The following P2RX3 variants were observed in gnomAD, a reference collection of about 807,000 sequenced individuals.
P2RX3 encodes the protein purinergic receptor P2X 3.
P2RX3 carries 41 observed loss-of-function variants against 51.5 expected under a neutral mutation model. The ratio of observed to expected loss-of-function variants is 0.80; its 90% CI spans 0.62 to 1.03. The LOEUF (loss-of-function observed/expected upper bound fraction) is 1.03, where lower values mean the gene tolerates loss of function less well. Ranked by LOEUF, P2RX3 falls within the 50% of genes least tolerant of loss-of-function variation. The pLI, the probability that P2RX3 is intolerant of heterozygous loss-of-function variation, is 0.00. For synonymous variants in P2RX3, 185 were observed against 191.6 expected (o/e 0.97, Z 0.29); for missense variants, 459 against 522.1 (o/e 0.88, Z 1.18).
intron 1 of P2RX3, among the ~76,000 whole-genome samples, chr11:57,341,662 A>G (rs1339937351): frequency 6.6e-5 from 10 of 152,048 alleles, no homozygotes; most frequent in Admixed American, 6.6e-4. Context: ...GGAAATCCCT[A>G]GGATCTGAGT....
At chr11:57,350,468 G>C (rs1357435902) in intron 7 of P2RX3, 1 of 302,170 alleles carries the variant, frequency 3.3e-6, no homozygotes, top group East Asian at 7.3e-5. Context: ...ATTTTTAGTA[G>C]AGTCAGGGGT....
At chr11:57,355,769 G>A (rs1289080644) in intron 8 of P2RX3, among the ~76,000 whole-genome samples, 1 of 152,198 alleles carries the variant, frequency 6.6e-6, no homozygotes, top group Admixed American at 6.5e-5. Flanking sequence ...CCCTTTGCAG[G>A]GAATTAACAT....
At chr11:57,369,051 C>CCCATTAAT (rs1425832264) in intron 10 of P2RX3, among the ~76,000 whole-genome samples, 2 of 152,196 alleles carry the variant, frequency 1.3e-5, no homozygotes, top group East Asian at 3.9e-4. Context: ...CCCATGATAG[C>CCCATTAAT]CCATTAATCC....
chr11:57,367,911 C>T, intron 8 of P2RX3, 98 bp from the exon 9 acceptor site: 2 of 907,592 alleles, frequency 2.2e-6, no homozygotes, highest in East Asian at 5.0e-5. Flanking sequence ...GTAAGGGTTG[C>T]TCAGTGAGCC....
chr11:57,364,645 G>A (rs1298651737), intron 8 of P2RX3, among the ~76,000 whole-genome samples: 1 of 151,896 alleles, frequency 6.6e-6, no homozygotes, highest in East Asian at 1.9e-4. Flanking sequence ...ATGTTCTTAG[G>A]CCCTGTCATC....
intron 7 of P2RX3, among the ~76,000 whole-genome samples, 171 bp downstream of exon 7, chr11:57,350,069 C>G (rs916513136): frequency 1.3e-5 from 2 of 152,172 alleles, no homozygotes; most frequent in Non-Finnish European, 2.9e-5. Context: ...CTGCTTTCCC[C>G]GCGCAGAGCG....
Position 57,350,760 on chromosome 11 carries a change from AG to A in P2RX3, c.710del, listed in dbSNP as rs756989873. 6.2e-7 allele frequency: 1 copy of A among 1,612,632 alleles called. No homozygotes were observed. Among genetic ancestry groups the A allele is most frequent in the East Asian group, 2.2e-5 (1 of 44,772 alleles). On this transcript the variant is annotated splice_acceptor_variant, in intron 7 of 11. Transcript: ENST00000263314. LOFTEE classifies it high-confidence loss of function. ...AAGCTCATACCCGGCCCGTTTCTTC[AG>A]GGGGGAGTTCTGGGCATTAAGATCG...
rs192741206 is a variant in P2RX3, at chr11:57,370,865, G to A, written c.*868G>A. Among the ~76,000 whole-genome samples, 29 of 152,306 alleles carry A rather than the reference G, an allele frequency of 1.9e-4. No homozygotes were observed. The South Asian group carries it at 4.6e-3, about 24-fold the overall frequency. On this transcript the variant is annotated 3_prime_UTR_variant, in exon 12 of 12. Coordinates refer to ENST00000263314, the MANE Select transcript of P2RX3 (RefSeq NM_002559.5). ...TTCCCGGACCTGGGATCCTGTCGTA[G>A]GCTGGGACCCTGTTCCAGGAGTTCA... is the stretch of plus-strand genomic sequence containing the variant.
At chr11:57,352,419 T>TCA (rs1246776788) in intron 8 of P2RX3, among the ~76,000 whole-genome samples, 1 of 152,182 alleles carries the variant, frequency 6.6e-6, no homozygotes, top group Non-Finnish European at 1.5e-5. Flanking sequence ...AGTTGGTATA[T>TCA]CACACTGAGA....
intron 11 of P2RX3, 47 bp downstream of exon 11, chr11:57,369,485 G>A (rs1318683415): frequency 6.5e-7 from 1 of 1,549,518 alleles, no homozygotes; most frequent in South Asian, 1.2e-5. Flanking sequence ...GAGGGGGCAG[G>A]GCAGGCAGGG....
rs2276038 is a variant in P2RX3, at chr11:57,369,951, C to A, written c.1148C>A (p.Ala383Glu). 4.3e-6 allele frequency: 7 copies of A among 1,613,446 alleles called. No homozygotes were observed. Among genetic ancestry groups the A allele is most frequent in the African/African-American group, 1.3e-5 (1 of 74,900 alleles). ...GTGTACCCCAGCGACCAGACCACAG[C>A]GGAGAAGCAGTCCACCGATTCGGGG... Reference protein sequence around the residue: ...NPVYPSDQTTAEKQSTDSGAF... With the variant: ...NPVYPSDQTTEEKQSTDSGAF... Residue 383 changes from alanine (A) to glutamate (E), a missense_variant, in exon 12 of 12, where the codon GCG (alanine) becomes GAG (glutamate). By Grantham distance (107) the Ala-to-Glu change is moderately radical. Transcript: ENST00000263314.
upstream of P2RX3, among the ~76,000 whole-genome samples, chr11:57,338,202 A>G (rs1323978611): frequency 6.6e-6 from 1 of 152,224 alleles, no homozygotes; most frequent in Non-Finnish European, 1.5e-5. Flanking sequence ...AACAGTAGAC[A>G]GAGTGCAGAT....
At chr11:57,337,681 G>A (rs1245287680), upstream of P2RX3, among the ~76,000 whole-genome samples, 4 of 152,192 alleles carry the variant, frequency 2.6e-5, no homozygotes, top group Non-Finnish European at 4.4e-5. Context: ...CGGGGTGGGC[G>A]GAGTGGGGAG....
At chr11:57,360,620 G>C (rs945108807) in intron 8 of P2RX3, among the ~76,000 whole-genome samples, 3 of 151,454 alleles carry the variant, frequency 2.0e-5, no homozygotes, top group African/African-American at 7.3e-5. Context: ...GTGAACCCCT[G>C]TCTCTACTAA....
In P2RX3 at chr11:57,368,396, A is replaced by T. The variant is rs919705354; in HGVS notation, c.961A>T (p.Thr321Ser). 6.2e-7 allele frequency: 1 copy of T among 1,613,880 alleles called. No individual in the cohort carries two copies. Among genetic ancestry groups the T allele is most frequent in the Non-Finnish European group, 8.5e-7 (1 of 1,179,966 alleles). ...GGCTGGCAAGTTCAACATCATCCCC[A>T]CCATCATCAGCTCTGTGGCGGCCTT... ...GNAGKFNIIP[T>S]IISSVAAFTS... Residue 321 changes from threonine to serine, a missense_variant, in exon 10 of 12, where the codon ACC (threonine) becomes TCC (serine). Physicochemically the swap from Thr to Ser is moderately conservative, Grantham distance 58. Coordinates refer to ENST00000263314, the MANE Select transcript of P2RX3 (RefSeq NM_002559.5).
chr11:57,368,232 T>C (rs1590643779), intron 9 of P2RX3, 130 bp downstream of exon 9: 3 of 1,298,730 alleles, frequency 2.3e-6, no homozygotes, highest in Non-Finnish European at 2.2e-6. Context: ...AGTGGGTCAC[T>C]CTCCCATCAA....
chr11:57,364,443 A>G (rs1348080993), intron 8 of P2RX3, among the ~76,000 whole-genome samples: 2 of 152,214 alleles, frequency 1.3e-5, no homozygotes, highest in African/African-American at 4.8e-5. Flanking sequence ...ACAATGACTC[A>G]ACAACAGTAT....
At position 57,339,899 on chromosome 11, in the gene P2RX3, G is replaced by T. The variant is rs1856307112; in HGVS notation, c.119+1230G>T. 2.0e-5 allele frequency among the ~76,000 whole-genome samples: 3 copies of T among 152,112 alleles called. No individual in the cohort carries two copies. The South Asian group carries it at 6.2e-4, about 32-fold the overall frequency. On this transcript the variant is annotated intron_variant, in intron 1 of 11. Transcript: ENST00000263314. ...AGGTGATTTTTTGCTCTGTGTGCTG[G>T]GCAAGCCCTGGTAGGCTTCAGTGGG... is the stretch of plus-strand genomic sequence containing the variant.
At chr11:57,353,181 A>G (rs889977641) in intron 8 of P2RX3, among the ~76,000 whole-genome samples, 1 of 152,254 alleles carries the variant, frequency 6.6e-6, no homozygotes, top group African/African-American at 2.4e-5. Flanking sequence ...AGCCAGGTTC[A>G]GTGCGGGTCA....
Sources: gnomAD v4.1 joint callset for allele counts (sites outside exome capture counted in the v4.1 genomes callset) on GRCh38, gnomAD v4.1.1 for gene constraint, MANE v1.5 for transcripts, NCBI Gene and HGNC (gene_info 2026-07-23, HGNC 2026-07-21) for gene names.